Variants in PAK2 observed in about 807,000 individuals in gnomAD.
The protein encoded by PAK2 is p21 (RAC1) activated kinase 2.
Under a neutral mutation model 65.9 loss-of-function variants are expected in PAK2, and 21 were observed. The ratio of observed to expected loss-of-function variants is 0.32; its 90% confidence interval spans 0.23 to 0.46. The LOEUF (loss-of-function observed/expected upper bound fraction) is 0.46, where lower values mean the gene tolerates loss of function less well. Ranked by LOEUF, PAK2 falls within the 20% of genes least tolerant of loss-of-function variation. The probability of loss-of-function intolerance (pLI) is 1.00; values close to 1 mark genes in which losing one functional copy is unlikely to be tolerated. For missense variants in PAK2, 324 were observed against 642.6 expected (o/e 0.50, Z 5.36); for synonymous variants, 204 against 219.7 (o/e 0.93, Z 0.63).
rs527259899 is a variant in PAK2, at chr3:196,820,495, A to G, written c.1278A>G (p.Ile426Met). The G allele has an allele frequency of 1.9e-6, 3 of 1,612,906 alleles. No homozygotes were observed. Among genetic ancestry groups the G allele is most frequent in the Non-Finnish European group, 2.5e-6 (3 of 1,179,144 alleles). ...AAGCTTATGGCCCTAAAGTCGACAT[A>G]TGGTCTCTGGGTATCATGGCTATTG... ...TRKAYGPKVD[I>M]WSLGIMAIEM... The change falls in exon 13 of 15, where the codon ATA (isoleucine) becomes ATG (methionine). Residue 426 changes from isoleucine to methionine, a missense_variant. Coordinates refer to ENST00000327134, the MANE Select transcript of PAK2 (RefSeq NM_002577.4). The surrounding 1 kb of genome is among the most constrained non-coding windows in gnomAD (Gnocchi z 4.6).
At chr3:196,798,726 C>T (rs1715333445) in intron 2 of PAK2, among the ~76,000 whole-genome samples, 1 of 152,014 alleles carries the variant, frequency 6.6e-6, no homozygotes, top group South Asian at 2.1e-4. Flanking sequence ...AAGTGGATTT[C>T]GTTGGTTTAA....
chr3:196,756,478 T>C (rs1713773143), intron 1 of PAK2, among the ~76,000 whole-genome samples: 1 of 152,182 alleles, frequency 6.6e-6, no homozygotes. Context: ...AGCTCCAAAC[T>C]GAGACTTAAC....
Position 196,811,205 on chromosome 3 carries a change from T to TCCCTC in PAK2, c.773+554_773+555insCTCCC, listed in dbSNP as rs1169501547. On this transcript the variant is annotated intron_variant, in intron 8 of 14. Transcript: ENST00000327134. Reference sequence around the variant, plus strand: ...CTTCCATATGAATTCCTTCCTCCCTTCCTTCCCTTCCCTCCCTCCCTTCCC... The same window carrying TCCCTC: ...CTTCCATATGAATTCCTTCCTCCCTTCCCTCCCTTCCCTTCCCTCCCTCCCTTCCC... Among the ~76,000 whole-genome samples, 3 of 46,956 alleles carry TCCCTC rather than the reference T, an allele frequency of 6.4e-5. 1 individual carries two copies. Among genetic ancestry groups the TCCCTC allele is most frequent in the African/African-American group, 2.5e-4 (3 of 12,016 alleles). The allele number at this position is 46,956 out of a possible 152,430, so 30.8% of individuals were successfully genotyped here. A position where few individuals can be genotyped will look rare whatever the true frequency, so the allele number is the denominator to read the frequency against.
chr3:196,785,774 C>A (rs768284914), intron 2 of PAK2, among the ~76,000 whole-genome samples: 12 of 152,164 alleles, frequency 7.9e-5, no homozygotes, highest in Non-Finnish European at 1.5e-4. Context: ...CAAGGAGGAG[C>A]AAGTCGCGTC....
intron 4 of PAK2, among the ~76,000 whole-genome samples, chr3:196,804,025 G>A (rs773480957): frequency 1.5e-4 from 23 of 152,180 alleles, no homozygotes; most frequent in African/African-American, 5.1e-4. Flanking sequence ...TTTTCTTGAC[G>A]TTTATTTATT....
At chr3:196,776,466 C>T (rs1714538658) in intron 1 of PAK2, among the ~76,000 whole-genome samples, 1 of 152,134 alleles carries the variant, frequency 6.6e-6, no homozygotes, top group Non-Finnish European at 1.5e-5. Flanking sequence ...GTTGTTCAGA[C>T]TTCGTATTTT....
At chr3:196,813,428 A>C (rs1382569729) in intron 10 of PAK2, among the ~76,000 whole-genome samples, 1 of 150,130 alleles carries the variant, frequency 6.7e-6, no homozygotes, top group East Asian at 2.0e-4. Context: ...ACTGCACTCC[A>C]GCCTGGGCAA....
At chr3:196,780,321 A>T (rs1045561926) in intron 1 of PAK2, among the ~76,000 whole-genome samples, 13 of 152,170 alleles carry the variant, frequency 8.5e-5, no homozygotes, top group African/African-American at 3.1e-4. Context: ...CGGGCCATTT[A>T]CAGAAGAAAG....
chr3:196,750,900 A>G (rs1347316773), intron 1 of PAK2, among the ~76,000 whole-genome samples: 1 of 152,156 alleles, frequency 6.6e-6, no homozygotes, highest in Non-Finnish European at 1.5e-5. Flanking sequence ...TAAAATTACC[A>G]TCTTAAACGT....
rs1440192095 is a variant in PAK2, at chr3:196,828,427, C to T, written c.*22C>T. The stretch of plus-strand genomic sequence containing the variant: ...TTAACATCACTGCTGTGGCCTCATA[C>T]TCTTTTTTCCATTTTCTACAAGAAG... On this transcript the variant is annotated 3_prime_UTR_variant, in exon 15 of 15. Coordinates refer to ENST00000327134, the MANE Select transcript of PAK2 (RefSeq NM_002577.4). 1.5e-6 allele frequency: 2 copies of T among 1,376,780 alleles called. No individual in the cohort carries two copies. Among genetic ancestry groups the T allele is most frequent in the Non-Finnish European group, 2.1e-6 (2 of 973,202 alleles). 85.3% of individuals were successfully genotyped at this position (1,376,780 alleles called of 1,614,324 possible).
intron 11 of PAK2, among the ~76,000 whole-genome samples, chr3:196,816,222 G>A (rs1435510240): frequency 6.6e-6 from 1 of 152,128 alleles, no homozygotes; most frequent in African/African-American, 2.4e-5. Context: ...CTTTGTTCAT[G>A]TAAGGATGAT....
intron 1 of PAK2, among the ~76,000 whole-genome samples, chr3:196,777,586 T>C (rs1301317540): frequency 6.6e-6 from 1 of 152,202 alleles, no homozygotes; most frequent in Non-Finnish European, 1.5e-5. Flanking sequence ...TCTTCATTAA[T>C]GTTGACAAGT....
At chr3:196,807,178 T>C (rs991864927) in intron 6 of PAK2, among the ~76,000 whole-genome samples, 1 of 152,188 alleles carries the variant, frequency 6.6e-6, no homozygotes, top group African/African-American at 2.4e-5. Flanking sequence ...GAGGAATGAC[T>C]GCGGTTACCA....
chr3:196,787,536 G>GCCACTGCACT (rs1293774091), intron 2 of PAK2, among the ~76,000 whole-genome samples: 3 of 149,056 alleles, frequency 2.0e-5, no homozygotes, highest in Non-Finnish European at 4.4e-5. Flanking sequence ...CCTTGATTGC[G>GCCACTGCACT]CCACTGCACT....
At chr3:196,754,021 T>A (rs1713692658) in intron 1 of PAK2, among the ~76,000 whole-genome samples, 1 of 152,170 alleles carries the variant, frequency 6.6e-6, no homozygotes, top group African/African-American at 2.4e-5. Context: ...AAGTTTGCCC[T>A]TTTTTACCAC....
chr3:196,817,106 A>C (rs1711505521), intron 11 of PAK2, among the ~76,000 whole-genome samples: 1 of 150,618 alleles, frequency 6.6e-6, no homozygotes, highest in African/African-American at 2.4e-5. Flanking sequence ...GAGCCTGTGC[A>C]TGTTTACCAA....
At chr3:196,806,221 C>G (rs1715580699) in intron 5 of PAK2, among the ~76,000 whole-genome samples, 1 of 152,038 alleles carries the variant, frequency 6.6e-6, no homozygotes. Flanking sequence ...CCAAATCTGA[C>G]TGTTTTAAAT....
At chr3:196,740,858 G>T (rs768811424) in intron 1 of PAK2, among the ~76,000 whole-genome samples, 1 of 151,732 alleles carries the variant, frequency 6.6e-6, no homozygotes, top group Non-Finnish European at 1.5e-5. Context: ...GGAAACACAC[G>T]CACGCACAAA....
Position 196,782,863 on chromosome 3 carries a change from C to G in PAK2, c.187+30C>G, listed in dbSNP as rs75973409. On this transcript the variant is annotated intron_variant, in intron 2 of 14. Transcript: ENST00000327134. ...ATAGCGCTTCTGGCTTTCAGAGTCT[C>G]AGCATTGGTTTATTATTGTATGTTA... 1.1e-3 allele frequency: 1,653 copies of G among 1,474,846 alleles called. 47 individuals are homozygous for G. In the East Asian group the frequency reaches 0.036, roughly 32 times the overall value. The allele number at this position is 1,474,846 out of a possible 1,614,324, so 91.4% of individuals were successfully genotyped here. A position where few individuals can be genotyped will look rare whatever the true frequency, so the allele number is the denominator to read the frequency against.
Sources: gnomAD v4.1 joint callset for allele counts (sites outside exome capture counted in the v4.1 genomes callset) on GRCh38, gnomAD v4.1.1 for gene constraint, Gnocchi (gnomAD v3.1) non-coding constraint, MANE v1.5 for transcripts, NCBI Gene and HGNC (gene_info 2026-07-23, HGNC 2026-07-21) for gene names.